The following DNM2 variants were observed in gnomAD, a reference collection of about 807,000 sequenced individuals.
The protein encoded by DNM2 is dynamin 2.
In DNM2, 15 loss-of-function variants were observed where a neutral mutation model predicts 99.0. The ratio of observed to expected loss-of-function variants is 0.15; its 90% CI spans 0.10 to 0.23. DNM2 has a LOEUF of 0.23. Ranked by LOEUF, DNM2 falls within the 10% of genes least tolerant of loss-of-function variation. The probability of loss-of-function intolerance (pLI) is 1.00; values close to 1 mark genes in which losing one functional copy is unlikely to be tolerated. For missense variants in DNM2, 742 were observed against 1,189.4 expected, an observed-to-expected ratio of 0.62 and a Z score of 5.53; for synonymous variants, 525 against 481.2, an observed-to-expected ratio of 1.09 and a Z score of -1.19.
chr19:10,806,080 C>T lies in DNM2; in HGVS notation c.1545+113C>T, dbSNP rs1022298134. ...TGTGTAAAGCCCCACCCCACAGCCTCAGTACCAGGCCATCTGCTCTCTCTA... is the reference window on the plus strand; with the variant it reads ...TGTGTAAAGCCCCACCCCACAGCCTTAGTACCAGGCCATCTGCTCTCTCTA... On this transcript the variant is annotated intron_variant, in intron 13 of 20. Coordinates refer to ENST00000389253, the MANE Select transcript of DNM2 (RefSeq NM_001005361.3). The T allele has an allele frequency of 2.2e-5, 29 of 1,321,964 alleles. No individual in the cohort carries two copies. The Admixed American group carries it at 4.9e-4, about 22-fold the overall frequency. 81.9% of individuals were successfully genotyped at this position (1,321,964 alleles called of 1,614,324 possible).
At position 10,787,752 on chromosome 19, in the gene DNM2, C is replaced by CAAA. The variant is rs35556775; in HGVS notation, c.992+1063_992+1065dup. On this transcript the variant is annotated intron_variant, in intron 7 of 20. Coordinates refer to ENST00000389253, the MANE Select transcript of DNM2 (RefSeq NM_001005361.3). ...CCTGGGTGATCGAGCAAGACTGTCT[C>CAAA]AAAAAAAAAAAAAAAAAAATTGCAA... Among the ~76,000 whole-genome samples, 20 of 108,322 alleles carry CAAA rather than the reference C, an allele frequency of 1.8e-4. No individual in the cohort carries two copies. In the South Asian group the frequency reaches 3.4e-3, roughly 18 times the overall value. The allele number at this position is 108,322 out of a possible 152,430, so 71.1% of individuals were successfully genotyped here.
rs545018266 is a variant in DNM2 at position 10,814,584 on chromosome 19, A to ACC, written c.1671+2210_1671+2211dup. Among the ~76,000 whole-genome samples, 21 of 151,828 alleles carry ACC rather than the reference A, an allele frequency of 1.4e-4. 1 individual carries two copies. In the South Asian group the frequency reaches 4.4e-3, roughly 32 times the overall value. ...TCTAACTGTATGTTTGTACCCATTAACCCCACCTCTCTTTACCCCCTACTT... is the reference window on the plus strand; with the variant it reads ...TCTAACTGTATGTTTGTACCCATTAACCCCCCACCTCTCTTTACCCCCTACTT... On this transcript the variant is annotated intron_variant, in intron 15 of 20. Coordinates refer to ENST00000389253, the MANE Select transcript of DNM2 (RefSeq NM_001005361.3).
intron 5 of DNM2, 96 bp from the exon 6 acceptor site, chr19:10,782,864 C>A: frequency 6.4e-7 from 1 of 1,553,808 alleles, no homozygotes; most frequent in Non-Finnish European, 8.9e-7. Flanking sequence ...CCTCGTGGGA[C>A]AGGATCCATC....
chr19:10,740,627 C>T (rs950818062), intron 1 of DNM2, among the ~76,000 whole-genome samples: 9 of 152,198 alleles, frequency 5.9e-5, no homozygotes, highest in African/African-American at 1.9e-4. Context: ...CCACCCACCT[C>T]GGCCTCTTAA....
At chr19:10,758,487 CTCCTTCCTTCCTTCCTCCCT>C (rs1568282994) in intron 1 of DNM2, among the ~76,000 whole-genome samples, 54 of 63,616 alleles carry the variant, frequency 8.5e-4, no homozygotes, top group African/African-American at 2.0e-3. Context: ...CCTTCCCTCC[CTCCTTCCTTCCTTCCTCCCT>C]TTCCTCCCTT....
Position 10,802,300 on chromosome 19 carries a change from A to ATCGACATT in DNM2, c.1436_1443dup (p.Glu482SerfsTer28). On this transcript the variant is annotated frameshift_variant, in exon 12 of 21. Transcript: ENST00000389253. LOFTEE classifies it high-confidence loss of function. ...CGCTCTCCCCCAGATTCTTCTGCTG[A>ATCGACATT]TCGACATTGAGCAGTCCTACATCAA... is the stretch of plus-strand genomic sequence containing the variant. 6.2e-7 allele frequency: 1 copy of ATCGACATT among 1,613,972 alleles called. No individual in the cohort carries two copies. Among genetic ancestry groups the ATCGACATT allele is most frequent in the Non-Finnish European group, 8.5e-7 (1 of 1,180,000 alleles).
chr19:10,732,785 G>T (rs543188693), intron 1 of DNM2, among the ~76,000 whole-genome samples: 4 of 151,938 alleles, frequency 2.6e-5, no homozygotes, highest in Non-Finnish European at 5.9e-5. Flanking sequence ...AGTAACAAAC[G>T]CTCCCGCTCC....
chr19:10,820,193 C>A lies in DNM2; in HGVS notation c.1781+104C>A. The stretch of plus-strand genomic sequence containing the variant: ...ACTGAGCACCTGGCTGTCAGCAGTC[C>A]CTGCCCTTGGGACCCAGCTTTTAGA... On this transcript the variant is annotated intron_variant, in intron 16 of 20. Transcript: ENST00000389253. This position sits in a 1 kb window ranked among gnomAD's most constrained non-coding sequence, Gnocchi z 4.3. 1 of 1,146,616 alleles carries A rather than the reference C, an allele frequency of 8.7e-7. No homozygotes were observed. Among genetic ancestry groups the A allele is most frequent in the Non-Finnish European group, 1.3e-6 (1 of 767,294 alleles). The allele number at this position is 1,146,616 out of a possible 1,614,324, so 71.0% of individuals were successfully genotyped here. A position where few individuals can be genotyped will look rare whatever the true frequency, so the allele number is the denominator to read the frequency against.
At chr19:10,760,827 A>AGTTTTTTTTTTTTTTTTTT (rs2070599969) in intron 2 of DNM2, among the ~76,000 whole-genome samples, 1 of 41,260 alleles carries the variant, frequency 2.4e-5, no homozygotes, top group Non-Finnish European at 4.1e-5. Flanking sequence ...CACCCAGCTG[A>AGTTTTTTTTTTTTTTTTTT]TTTTTTTTTT....
At chr19:10,733,893 A>G (rs1009583820) in intron 1 of DNM2, among the ~76,000 whole-genome samples, 1 of 152,218 alleles carries the variant, frequency 6.6e-6, no homozygotes, top group African/African-American at 2.4e-5. Context: ...CTGTAGTCCC[A>G]GCTATTTGGG....
intron 11 of DNM2, among the ~76,000 whole-genome samples, chr19:10,799,498 A>G (rs2072056084): frequency 6.8e-6 from 1 of 146,254 alleles, no homozygotes; most frequent in Admixed American, 6.8e-5. Context: ...TGCCTGCTGG[A>G]GGGTGTTTGG....
At chr19:10,823,938 A>C in intron 17 of DNM2, 39 bp downstream of exon 17, 1 of 1,598,782 alleles carries the variant, frequency 6.3e-7, no homozygotes, top group East Asian at 2.2e-5. Context: ...CAGAGCCCCC[A>C]CCTGGGAGAG....
In DNM2 at chr19:10,824,114, C is replaced by T. The variant is rs968482678; in HGVS notation, c.1893+215C>T. 15 of 582,958 alleles carry T rather than the reference C, an allele frequency of 2.6e-5. No homozygotes were observed. In the East Asian group the frequency reaches 3.8e-4, roughly 15 times the overall value. The allele number at this position is 582,958 out of a possible 1,614,324, so 36.1% of individuals were successfully genotyped here. A position where few individuals can be genotyped will look rare whatever the true frequency, so the allele number is the denominator to read the frequency against. On this transcript the variant is annotated intron_variant, in intron 17 of 20. Transcript: ENST00000389253. ...CTCACGGAAGCCAGTGACCGGGGCA[C>T]ACAGGGGATGGGGTCCCACTTGCTT... is the stretch of plus-strand genomic sequence containing the variant.
intron 3 of DNM2, among the ~76,000 whole-genome samples, chr19:10,774,728 C>CTT (rs34413054): frequency 0.046 from 5,583 of 121,360 alleles, 156 homozygotes; most frequent in Non-Finnish European, 0.067. Flanking sequence ...TTGGCCTATG[C>CTT]TTTTTTTTTT....
intron 2 of DNM2, among the ~76,000 whole-genome samples, chr19:10,762,859 G>C (rs2070678919): frequency 6.6e-6 from 1 of 152,220 alleles, no homozygotes; most frequent in Admixed American, 6.5e-5. Flanking sequence ...GTGCCCTGGA[G>C]GAGGCAGGAG....
At chr19:10,794,379 G>GTGTGTGTGTT (rs1555710274) in intron 8 of DNM2, among the ~76,000 whole-genome samples, 1 of 150,908 alleles carries the variant, frequency 6.6e-6, no homozygotes, top group Non-Finnish European at 1.5e-5. Context: ...GTGTGTGTGT[G>GTGTGTGTGTT]ATTTGCTTGA....
intron 16 of DNM2, 114 bp from the exon 17 acceptor site, chr19:10,823,674 T>G: frequency 2.0e-6 from 2 of 980,252 alleles, no homozygotes. Context: ...GAAGCCTGGG[T>G]TGGGTTTGGG....
At position 10,821,953 on chromosome 19, in the gene DNM2, A is replaced by G. The variant is rs772218520; in HGVS notation, c.1782-1835A>G. ...ACAAGGGCATGCCTCTCCCCACACA[A>G]CCTCATCCAGAGGTCGTTCGGGGCA... On this transcript the variant is annotated intron_variant, in intron 16 of 20. Coordinates refer to ENST00000389253, the MANE Select transcript of DNM2 (RefSeq NM_001005361.3). 1.1e-3 allele frequency among the ~76,000 whole-genome samples: 165 copies of G among 152,122 alleles called. 1 individual carries two copies. Among genetic ancestry groups the G allele is most frequent in the Non-Finnish European group, 1.9e-3 (130 of 68,010 alleles).
Position 10,829,132 on chromosome 19 carries a change from C to T in DNM2, c.2155C>T (p.Arg719Trp), listed in dbSNP as rs757334523. 6 of 1,613,858 alleles carry T rather than the reference C, an allele frequency of 3.7e-6. No individual in the cohort carries two copies. The highest frequency in any genetic ancestry group is 1.3e-5 in the African/African-American group (1 of 75,046). ...GGAGTCGGCTGACCAGGCACAGCGG[C>T]GGGACGACATGCTGCGCATGTACCA... ...MEESADQAQR[R>W]DDMLRMYHAL... Residue 719 changes from arginine to tryptophan, a missense_variant, in exon 19 of 21, where the codon CGG (arginine) becomes TGG (tryptophan). By Grantham distance (101) the Arg-to-Trp change is moderately radical. This residue lies in a region of DNM2 where 240 missense variants were observed against 431.3 expected (regional missense o/e 0.56). Coordinates refer to ENST00000389253, the MANE Select transcript of DNM2 (RefSeq NM_001005361.3).
Sources: gnomAD v4.1 joint callset for allele counts (sites outside exome capture counted in the v4.1 genomes callset) on GRCh38, gnomAD v4.1.1 for gene constraint, gnomAD v4.1.1 regional missense constraint, Gnocchi (gnomAD v3.1) non-coding constraint, MANE v1.5 for transcripts, NCBI Gene and HGNC (gene_info 2026-07-23, HGNC 2026-07-21) for gene names.